Variants in PSPC1 observed in about 807,000 individuals in gnomAD.
PSPC1 encodes the protein paraspeckle protein 1.
PSPC1 carries 14 observed loss-of-function variants against 51.6 expected under a neutral mutation model. That is an observed-to-expected ratio of 0.27 (90% CI 0.18 to 0.42). The LOEUF (loss-of-function observed/expected upper bound fraction) is 0.42, where lower values mean the gene tolerates loss of function less well. Among genes scored for constraint, PSPC1 ranks in the 10% least tolerant of loss-of-function variants. The probability of loss-of-function intolerance (pLI) is 1.00; values close to 1 mark genes in which losing one functional copy is unlikely to be tolerated. For missense variants in PSPC1, 406 were observed against 701.1 expected (o/e 0.58, Z 4.75); for synonymous variants, 193 against 231.9 (o/e 0.83, Z 1.53).
At chr13:19,694,958 A>G (rs748890381) in intron 6 of PSPC1, among the ~76,000 whole-genome samples, 2 of 152,254 alleles carry the variant, frequency 1.3e-5, no homozygotes, top group Non-Finnish European at 2.9e-5. Flanking sequence ...TATTACACAA[A>G]TGCTATCAGG....
At chr13:19,754,952 G>T (rs1043381489) in intron 3 of PSPC1, among the ~76,000 whole-genome samples, 22 of 152,134 alleles carry the variant, frequency 1.4e-4, no homozygotes, top group Admixed American at 1.3e-4. Context: ...TGGCATTGTG[G>T]CCAGGTGCAG....
At chr13:19,768,794 A>G (rs1340981786) in intron 2 of PSPC1, among the ~76,000 whole-genome samples, 1 of 151,068 alleles carries the variant, frequency 6.6e-6, no homozygotes, top group Admixed American at 6.6e-5. Context: ...TAAAATTTAA[A>G]TCACAATGAG....
intron 6 of PSPC1, among the ~76,000 whole-genome samples, chr13:19,682,580 T>A (rs1341630643): frequency 6.6e-6 from 1 of 150,916 alleles, no homozygotes; most frequent in African/African-American, 2.4e-5. Flanking sequence ...TAAAAAAAGT[T>A]ATGAGGAAAA....
chr13:19,768,950 C>T (rs1888340927), intron 2 of PSPC1, among the ~76,000 whole-genome samples: 1 of 147,000 alleles, frequency 6.8e-6, no homozygotes, highest in Admixed American at 6.9e-5. Context: ...GCCTAGCCAA[C>T]GTGGCGAAAC....
intron 6 of PSPC1, among the ~76,000 whole-genome samples, chr13:19,729,409 C>A (rs1289710425): frequency 1.3e-5 from 2 of 151,708 alleles, no homozygotes; most frequent in Non-Finnish European, 2.9e-5. Flanking sequence ...TGGTGGTGCG[C>A]ACCTGTAATC....
chr13:19,774,967 G>C (rs114648770), intron 1 of PSPC1, among the ~76,000 whole-genome samples: 1 of 152,000 alleles, frequency 6.6e-6, no homozygotes, highest in African/African-American at 2.4e-5. Flanking sequence ...TTGAGGCCAG[G>C]AGTTTAAGAC....
At chr13:19,672,720 ATCATCTTT>A (rs1318411091), downstream of PSPC1, 1 of 163,902 alleles carries the variant, frequency 6.1e-6, no homozygotes, top group Non-Finnish European at 1.3e-5. Context: ...GTAGTCACTT[ATCATCTTT>A]TCAAAGGGTA....
chr13:19,689,430 G>A (rs1305605622), intron 6 of PSPC1, among the ~76,000 whole-genome samples: 1 of 152,110 alleles, frequency 6.6e-6, no homozygotes, highest in Non-Finnish European at 1.5e-5. Context: ...AACTAGAGTT[G>A]ATTCCATTTA....
At chr13:19,777,250 T>C (rs1295353171) in intron 1 of PSPC1, among the ~76,000 whole-genome samples, 9 of 149,744 alleles carry the variant, frequency 6.0e-5, no homozygotes. Flanking sequence ...GCCAACATGG[T>C]GAAACCCCAT....
At chr13:19,691,409 G>C (rs754100681) in intron 6 of PSPC1, among the ~76,000 whole-genome samples, 9 of 152,046 alleles carry the variant, frequency 5.9e-5, no homozygotes, top group Non-Finnish European at 1.3e-4. Context: ...GCATGCACCT[G>C]TGGTCCCTAC....
chr13:19,715,215 A>G (rs1367328848), intron 6 of PSPC1, among the ~76,000 whole-genome samples: 17 of 152,240 alleles, frequency 1.1e-4, no homozygotes, highest in Non-Finnish European at 1.5e-5. Flanking sequence ...GTGATATGGA[A>G]AATTAAAGAA....
At chr13:19,704,050 TA>T (rs1880305188) in intron 8 of PSPC1, among the ~76,000 whole-genome samples, 1 of 152,286 alleles carries the variant, frequency 6.6e-6, no homozygotes, top group African/African-American at 2.4e-5. Flanking sequence ...CCCTGAAGTG[TA>T]GCAGTAAAAT....
intron 3 of PSPC1, among the ~76,000 whole-genome samples, chr13:19,757,448 C>T (rs1327664178): frequency 6.6e-6 from 1 of 152,028 alleles, no homozygotes; most frequent in African/African-American, 2.4e-5. Context: ...GAAGCAGTTA[C>T]AGAAAAAAAG....
chr13:19,766,082 C>T (rs1247610613), intron 2 of PSPC1, among the ~76,000 whole-genome samples: 1 of 152,138 alleles, frequency 6.6e-6, no homozygotes, highest in African/African-American at 2.4e-5. Flanking sequence ...TTTTAAAAAG[C>T]AAGCCTGCAG....
At position 19,766,364 on chromosome 13, in the gene PSPC1, C is replaced by A. The variant is rs374545137; in HGVS notation, c.674+5878G>T. Among the ~76,000 whole-genome samples, 200 of 152,196 alleles carry A rather than the reference C, an allele frequency of 1.3e-3. 1 individual carries two copies. The highest frequency in any genetic ancestry group is 4.5e-3 in the African/African-American group (186 of 41,546). On this transcript the variant is annotated intron_variant, in intron 2 of 8. Transcript: ENST00000338910. ...CTGCACCCTGAGTGACAGAGTGAGA[C>A]CCTGTCTCAAATCAATCTATCAATC...
At chr13:19,757,290 T>G (rs554983413) in intron 3 of PSPC1, among the ~76,000 whole-genome samples, 3 of 152,220 alleles carry the variant, frequency 2.0e-5, no homozygotes, top group African/African-American at 7.2e-5. Context: ...ACCATCAAGC[T>G]TCAGATGACC....
downstream of PSPC1, among the ~76,000 whole-genome samples, chr13:19,697,586 A>T (rs1200381107): frequency 1.3e-5 from 2 of 152,188 alleles, no homozygotes; most frequent in African/African-American, 4.8e-5. Context: ...CTCCAAAGTT[A>T]TCCTAATGTG....
chr13:19,775,560 TC>T lies in PSPC1; in HGVS notation c.373-3018del, dbSNP rs144674683. ...CTACGAATTTTAGTACTGGAGGAGG[TC>T]CTAGAATCAATCCCCCACAGATACT... On this transcript the variant is annotated intron_variant, in intron 1 of 8. Transcript: ENST00000338910. Among the ~76,000 whole-genome samples, 120 of 152,228 alleles carry T rather than the reference TC, an allele frequency of 7.9e-4. 1 individual carries two copies. Among genetic ancestry groups the T allele is most frequent in the African/African-American group, 2.7e-3 (112 of 41,532 alleles).
chr13:19,720,924 T>C (rs1882693186), intron 6 of PSPC1, among the ~76,000 whole-genome samples: 3 of 152,152 alleles, frequency 2.0e-5, no homozygotes, highest in Non-Finnish European at 2.9e-5. Flanking sequence ...CCTTTGAAAG[T>C]TTATAATTAT....
Sources: gnomAD v4.1 joint callset for allele counts (sites outside exome capture counted in the v4.1 genomes callset) on GRCh38, gnomAD v4.1.1 for gene constraint, MANE v1.5 for transcripts, NCBI Gene and HGNC (gene_info 2026-07-23, HGNC 2026-07-21) for gene names.